The following CNOT6L variants were observed in gnomAD, a reference collection of about 807,000 sequenced individuals.
CNOT6L encodes CCR4-NOT transcription complex subunit 6-like.
CNOT6L carries 7 observed loss-of-function variants against 64.0 expected under a neutral mutation model. That is an observed-to-expected ratio of 0.11 (90% CI 0.06 to 0.21). The LOEUF is 0.21. Ranked by LOEUF, CNOT6L falls within the 10% of genes least tolerant of loss-of-function variation. The probability of loss-of-function intolerance (pLI) is 1.00; values close to 1 mark genes in which losing one functional copy is unlikely to be tolerated. For missense variants in CNOT6L, 245 were observed against 669.0 expected (o/e 0.37, Z 6.99); for synonymous variants, 193 against 243.4 (o/e 0.79, Z 1.93).
In CNOT6L at chr4:77,718,655, T is replaced by C. The variant is rs1003127023; in HGVS notation, c.*1776A>G. 1 of 152,584 alleles carries C rather than the reference T, an allele frequency of 6.6e-6. No individual in the cohort carries two copies. Among genetic ancestry groups the C allele is most frequent in the African/African-American group, 2.4e-5 (1 of 41,450 alleles). The allele number at this position is 152,584 out of a possible 1,614,324, so 9.5% of individuals were successfully genotyped here. ...ACAGAACCCTTCTGATGCAATCCCA[T>C]GTATGATATGACATCATCCCACCAC... On this transcript the variant is annotated 3_prime_UTR_variant, in exon 12 of 12. Transcript: ENST00000504123.
At chr4:77,757,377 T>C (rs535310530) in intron 4 of CNOT6L, among the ~76,000 whole-genome samples, 59 of 152,236 alleles carry the variant, frequency 3.9e-4, no homozygotes, top group African/African-American at 1.2e-3. Flanking sequence ...ATATTACATA[T>C]AGGGAAAACA....
intron 1 of CNOT6L, among the ~76,000 whole-genome samples, chr4:77,818,681 C>T (rs896098432): frequency 1.1e-4 from 16 of 152,092 alleles, no homozygotes; most frequent in Non-Finnish European, 2.4e-4. Flanking sequence ...GACGCGGAGG[C>T]GGCCACGGCG....
chr4:77,779,500 CAT>C, intron 1 of CNOT6L, among the ~76,000 whole-genome samples: 1 of 151,920 alleles, frequency 6.6e-6, no homozygotes, highest in Middle Eastern at 3.4e-3. Flanking sequence ...TTTAATTCTT[CAT>C]GTTTCAATCT....
intron 8 of CNOT6L, among the ~76,000 whole-genome samples, chr4:77,735,128 C>CACA (rs1293700169): frequency 4.6e-5 from 7 of 152,070 alleles, no homozygotes; most frequent in African/African-American, 1.7e-4. Context: ...GTTAAAAGTC[C>CACA]AGGGATGTGG....
At chr4:77,737,406 CTTTT>C (rs56952956) in intron 8 of CNOT6L, among the ~76,000 whole-genome samples, 1 of 82,374 alleles carries the variant, frequency 1.2e-5, no homozygotes, top group African/African-American at 4.7e-5. Flanking sequence ...TTGTACCGTT[CTTTT>C]TTTTTTTTTT....
At position 77,714,263 on chromosome 4, in the gene CNOT6L, C is replaced by A. The variant is rs191958468; in HGVS notation, c.*6168G>T. 84 of 152,020 alleles carry A rather than the reference C, an allele frequency of 5.5e-4. No homozygotes were observed. The highest frequency in any genetic ancestry group is 1.0e-3 in the Non-Finnish European group (68 of 67,860). The allele number at this position is 152,020 out of a possible 1,614,324, so 9.4% of individuals were successfully genotyped here. A position where few individuals can be genotyped will look rare whatever the true frequency, so the allele number is the denominator to read the frequency against. On this transcript the variant is annotated 3_prime_UTR_variant, in exon 12 of 12. Coordinates refer to ENST00000504123, the MANE Select transcript of CNOT6L (RefSeq NM_144571.3). Reference sequence around the variant, plus strand: ...ATGCCAGGTAATGAAAATAAATGAACCTTTCCCTACTCAAAACGATAAATT... The same window carrying A: ...ATGCCAGGTAATGAAAATAAATGAAACTTTCCCTACTCAAAACGATAAATT...
intron 1 of CNOT6L, among the ~76,000 whole-genome samples, chr4:77,786,090 GC>G (rs1303086238): frequency 3.3e-5 from 5 of 152,046 alleles, no homozygotes; most frequent in Non-Finnish European, 7.4e-5. Flanking sequence ...AGACCAGCCT[GC>G]CCAACATGGT....
intron 4 of CNOT6L, among the ~76,000 whole-genome samples, chr4:77,764,808 C>G (rs1218316453): frequency 6.6e-6 from 1 of 152,192 alleles, no homozygotes; most frequent in East Asian, 1.9e-4. Flanking sequence ...AAAGGAATAT[C>G]ATCGCCCCTG....
intron 8 of CNOT6L, among the ~76,000 whole-genome samples, chr4:77,740,253 C>T (rs181391036): frequency 6.6e-6 from 1 of 151,868 alleles, no homozygotes; most frequent in Non-Finnish European, 1.5e-5. Context: ...CACGTGTAGT[C>T]TCAGCTACTC....
chr4:77,767,062 C>CAAAAAAAA, intron 4 of CNOT6L, among the ~76,000 whole-genome samples: 1 of 25,964 alleles, frequency 3.9e-5, no homozygotes, highest in Non-Finnish European at 7.0e-5. Context: ...AACTCCGTCT[C>CAAAAAAAA]AAAAAAAAAA....
At chr4:77,812,654 G>A (rs1378202150) in intron 1 of CNOT6L, among the ~76,000 whole-genome samples, 1 of 151,886 alleles carries the variant, frequency 6.6e-6, no homozygotes, top group Non-Finnish European at 1.5e-5. Context: ...TGAAAACTAT[G>A]AAACACTGTT....
Position 77,819,355 on chromosome 4 carries a change from G to A in CNOT6L, c.-47C>T, listed in dbSNP as rs199615565. On this transcript the variant is annotated 5_prime_UTR_variant, in exon 1 of 12. Coordinates refer to ENST00000504123, the MANE Select transcript of CNOT6L (RefSeq NM_144571.3). ...CAACAGCAGCCATTTCCCCGCGGCA[G>A]GGGAAACACACACACAAACACGCGC... is the stretch of plus-strand genomic sequence containing the variant. 3.1e-6 allele frequency: 5 copies of A among 1,612,554 alleles called. No homozygotes were observed. In the African/African-American group the frequency reaches 5.3e-5, roughly 17 times the overall value.
intron 8 of CNOT6L, among the ~76,000 whole-genome samples, chr4:77,736,675 A>G (rs1395392692): frequency 1.3e-5 from 2 of 152,218 alleles, no homozygotes; most frequent in African/African-American, 4.8e-5. Flanking sequence ...CAAGCCATAC[A>G]GCCTTGGTAA....
chr4:77,762,389 G>A (rs896122216), intron 4 of CNOT6L, among the ~76,000 whole-genome samples: 1 of 151,962 alleles, frequency 6.6e-6, no homozygotes, highest in Non-Finnish European at 1.5e-5. Context: ...GGACAGAATA[G>A]TGTGTTTAGC....
chr4:77,757,526 A>G (rs1427591936), intron 4 of CNOT6L, among the ~76,000 whole-genome samples: 1 of 152,202 alleles, frequency 6.6e-6, no homozygotes, highest in Non-Finnish European at 1.5e-5. Context: ...AGAACACACT[A>G]TTGGTAACAG....
chr4:77,713,956 A>AT lies in CNOT6L; in HGVS notation c.*6474dup, dbSNP rs1272330196. On this transcript the variant is annotated 3_prime_UTR_variant, in exon 12 of 12. Coordinates refer to ENST00000504123, the MANE Select transcript of CNOT6L (RefSeq NM_144571.3). ...AGTCTAATTTAAAAAAAAATCTTAG[A>AT]TTTTAAACTGATTACTGAAACACAA... 6.6e-6 allele frequency: 1 copy of AT among 152,610 alleles called. No individual in the cohort carries two copies. Among genetic ancestry groups the AT allele is most frequent in the Non-Finnish European group, 1.5e-5 (1 of 68,026 alleles). 9.5% of individuals were successfully genotyped at this position (152,610 alleles called of 1,614,324 possible). A position where few individuals can be genotyped will look rare whatever the true frequency, so the allele number is the denominator to read the frequency against.
rs139036777 is a variant in CNOT6L, at chr4:77,780,424, T to C, written c.6-4032A>G. ...CCAAATTTATACTGGGAATCCTGAT[T>C]ACATAACAAAGCCTGTTAGCAACAC... On this transcript the variant is annotated intron_variant, in intron 1 of 11. Coordinates refer to ENST00000504123, the MANE Select transcript of CNOT6L (RefSeq NM_144571.3). 4.1e-3 allele frequency among the ~76,000 whole-genome samples: 625 copies of C among 152,354 alleles called. 10 individuals carry two copies. Among genetic ancestry groups the C allele is most frequent in the East Asian group, 0.024 (125 of 5,180 alleles).
At chr4:77,747,209 C>G (rs1393923442) in intron 6 of CNOT6L, among the ~76,000 whole-genome samples, 1 of 152,132 alleles carries the variant, frequency 6.6e-6, no homozygotes, top group Non-Finnish European at 1.5e-5. Flanking sequence ...GTCTCCTAGG[C>G]TGGAGTGCAA....
chr4:77,795,693 G>A (rs1390981859), intron 1 of CNOT6L, among the ~76,000 whole-genome samples: 2 of 152,058 alleles, frequency 1.3e-5, no homozygotes, highest in South Asian at 2.1e-4. Context: ...AAGTCTGTAC[G>A]GGGCCCACAG....
Sources: allele counts gnomAD v4.1 joint callset (sites outside exome capture counted in the v4.1 genomes callset), GRCh38; gene constraint gnomAD v4.1.1; transcripts MANE v1.5; gene names NCBI Gene and HGNC (gene_info 2026-07-23, HGNC 2026-07-21).